Variants in BAG3 observed in about 807,000 individuals in gnomAD.
BAG3 encodes the protein BAG family molecular chaperone regulator 3.
A neutral mutation model predicts 40.5 loss-of-function variants in BAG3; 14 were observed. The ratio of observed to expected loss-of-function variants is 0.35; its 90% CI spans 0.23 to 0.54. The LOEUF (loss-of-function observed/expected upper bound fraction) is 0.54. Ranked by LOEUF, BAG3 falls within the 20% of genes least tolerant of loss-of-function variation. The pLI is 0.91. For missense variants in BAG3, 788 were observed against 758.6 expected (o/e 1.04, Z -0.46); for synonymous variants, 302 against 307.8 (o/e 0.98, Z 0.20).
intron 1 of BAG3, among the ~76,000 whole-genome samples, chr10:119,665,143 T>TTTTTTTTC (rs1564771840): frequency 2.6e-5 from 3 of 113,748 alleles, no homozygotes; most frequent in East Asian, 2.2e-4. Flanking sequence ...TATATATATA[T>TTTTTTTTC]ATTTTTTTTT....
intron 3 of BAG3, among the ~76,000 whole-genome samples, chr10:119,675,191 G>A (rs1338075045): frequency 6.6e-6 from 1 of 152,170 alleles, no homozygotes; most frequent in African/African-American, 2.4e-5. Context: ...AAATTAGCCA[G>A]GCATGATGGT....
At position 119,651,762 on chromosome 10, in the gene BAG3, G is replaced by C. The variant is rs1275104991; in HGVS notation, c.87G>C (p.Lys29Asn). 1 of 1,600,498 alleles carries C rather than the reference G, an allele frequency of 6.2e-7. No individual in the cohort carries two copies. Among genetic ancestry groups the C allele is most frequent in the African/African-American group, 1.4e-5 (1 of 73,740 alleles). The change falls in exon 1 of 4, where the codon AAG (lysine) becomes AAC (asparagine). Residue 29 changes from lysine (K) to asparagine (N), a missense_variant. By Grantham distance (94) the Lys-to-Asn change is moderately conservative (BLOSUM62 0). Transcript: ENST00000369085. ...RDPLPPGWEI[K>N]IDPQTGWPFF... ...CTTTGCCCCCCGGATGGGAGATCAA[G>C]ATCGACCCGCAGACCGGCTGGCCCT...
intron 1 of BAG3, among the ~76,000 whole-genome samples, chr10:119,660,643 C>G (rs771004360): frequency 6.6e-6 from 1 of 151,726 alleles, no homozygotes; most frequent in Non-Finnish European, 1.5e-5. Context: ...CCCGGGAGTT[C>G]GAGAGCAGCC....
In BAG3 at chr10:119,677,404, G is replaced by A. The variant is rs1299357177; in HGVS notation, c.*122G>A. 1.6e-6 allele frequency: 2 copies of A among 1,222,822 alleles called. No homozygotes were observed. The highest frequency in any genetic ancestry group is 3.0e-5 in the African/African-American group (2 of 66,600). 75.7% of individuals were successfully genotyped at this position (1,222,822 alleles called of 1,614,324 possible). On this transcript the variant is annotated 3_prime_UTR_variant, in exon 4 of 4. Transcript: ENST00000369085. ...TAGCTGCTTGGTATGCAGTAACTTG[G>A]GTGGAGGCAAAACACTAATAAAAGG...
At chr10:119,660,298 C>A (rs1846975526) in intron 1 of BAG3, among the ~76,000 whole-genome samples, 1 of 152,218 alleles carries the variant, frequency 6.6e-6, no homozygotes, top group Non-Finnish European at 1.5e-5. Context: ...GGGCGCCCTG[C>A]TCAGCCAGGA....
Position 119,676,506 on chromosome 10 carries a change from G to C in BAG3, c.952G>C (p.Glu318Gln), listed in dbSNP as rs1847236147. The change falls in exon 4 of 4, where the codon GAA becomes CAA. Residue 318 changes from glutamate to glutamine, a missense_variant. Transcript: ENST00000369085. ...AGAAACTGCACCTGTTTCCCAGCCTGAAAACAAACCAGAAAGTAAGCCAGG... is the reference window on the plus strand; with the variant it reads ...AGAAACTGCACCTGTTTCCCAGCCTCAAAACAAACCAGAAAGTAAGCCAGG... ...HRETAPVSQPENKPESKPGPV... is the reference protein window; with the variant it reads ...HRETAPVSQPQNKPESKPGPV... 2 of 1,613,746 alleles carry C rather than the reference G, an allele frequency of 1.2e-6. No homozygotes were observed. The highest frequency in any genetic ancestry group is 1.7e-6 in the Non-Finnish European group (2 of 1,179,960).
intron 1 of BAG3, among the ~76,000 whole-genome samples, chr10:119,658,277 C>T (rs1003266412): frequency 9.8e-5 from 15 of 152,366 alleles, no homozygotes; most frequent in African/African-American, 3.1e-4. Flanking sequence ...CCTTCGCTGG[C>T]CCACCCTTTC....
intron 1 of BAG3, among the ~76,000 whole-genome samples, chr10:119,666,077 C>G (rs1190430043): frequency 1.3e-5 from 2 of 152,174 alleles, no homozygotes; most frequent in Non-Finnish European, 2.9e-5. Flanking sequence ...CCCCCACATG[C>G]CTCTCATTTT....
chr10:119,673,480 C>A (rs1002139491), intron 3 of BAG3, among the ~76,000 whole-genome samples: 3 of 152,172 alleles, frequency 2.0e-5, no homozygotes, highest in African/African-American at 7.2e-5. Flanking sequence ...AGTGGAGACA[C>A]AAGGTGCAGG....
chr10:119,661,293 C>T (rs1846988464), intron 1 of BAG3, among the ~76,000 whole-genome samples: 1 of 151,814 alleles, frequency 6.6e-6, no homozygotes, highest in South Asian at 2.1e-4. Flanking sequence ...AAAAGAAACC[C>T]AATTGTTTAG....
intron 1 of BAG3, among the ~76,000 whole-genome samples, chr10:119,664,329 C>T (rs1847031140): frequency 6.6e-6 from 1 of 152,090 alleles, no homozygotes; most frequent in Non-Finnish European, 1.5e-5. Context: ...TGAGACATGC[C>T]TCAGATTTTT....
intron 1 of BAG3, among the ~76,000 whole-genome samples, chr10:119,652,848 G>A (rs1846862725): frequency 6.6e-6 from 1 of 152,188 alleles, no homozygotes; most frequent in South Asian, 2.1e-4. Context: ...TGTAAATTTG[G>A]AATGAGTGTG....
chr10:119,652,020 C>T (rs929544723), intron 1 of BAG3, among the ~76,000 whole-genome samples, 165 bp downstream of exon 1: 10 of 151,952 alleles, frequency 6.6e-5, no homozygotes, highest in Non-Finnish European at 1.5e-4. Context: ...TCCCGCTGCG[C>T]CCGGACGAGT....
rs558604851 is a variant in BAG3, at chr10:119,675,957, G to A, written c.910-507G>A. ...CCTTCCTTCTTTGAGACAGGATCTC[G>A]CTCTGTCACTCAGGCTGGAGTGCAA... On this transcript the variant is annotated intron_variant, in intron 3 of 3. Coordinates refer to ENST00000369085, the MANE Select transcript of BAG3 (RefSeq NM_004281.4). Among the ~76,000 whole-genome samples the A allele has an allele frequency of 8.7e-5, 5 of 57,262 alleles. No individual in the cohort carries two copies. In the South Asian group the frequency reaches 3.7e-3, roughly 43 times the overall value. The allele number at this position is 57,262 out of a possible 152,430, so 37.6% of individuals were successfully genotyped here. A position where few individuals can be genotyped will look rare whatever the true frequency, so the allele number is the denominator to read the frequency against.
intron 1 of BAG3, among the ~76,000 whole-genome samples, chr10:119,658,564 C>A (rs570321342): frequency 6.6e-6 from 1 of 152,326 alleles, no homozygotes; most frequent in South Asian, 2.1e-4. Context: ...AAATGGAAGC[C>A]TTTCTCTCCT....
At chr10:119,654,391 T>C (rs2134052398) in intron 1 of BAG3, among the ~76,000 whole-genome samples, 1 of 152,310 alleles carries the variant, frequency 6.6e-6, no homozygotes, top group Admixed American at 6.5e-5. Flanking sequence ...AGGACTCAGC[T>C]TCAGGATGTT....
chr10:119,675,852 TGCCCCC>T (rs2134067936), intron 3 of BAG3, among the ~76,000 whole-genome samples: 2 of 48,040 alleles, frequency 4.2e-5, no homozygotes, highest in Admixed American at 2.7e-4. Flanking sequence ...CCTTCCTTCC[TGCCCCC>T]TTCCCCCTTG....
intron 1 of BAG3, among the ~76,000 whole-genome samples, chr10:119,657,025 C>A (rs894716518): frequency 1.2e-4 from 18 of 152,046 alleles, no homozygotes; most frequent in African/African-American, 4.1e-4. Flanking sequence ...CTGCTTTATA[C>A]TCCCCAGGCA....
intron 3 of BAG3, among the ~76,000 whole-genome samples, chr10:119,673,425 G>C (rs532033322): frequency 6.6e-6 from 1 of 152,348 alleles, no homozygotes; most frequent in South Asian, 2.1e-4. Context: ...ATTGGAAGCC[G>C]TGCTGGCCTG....
Sources: gnomAD v4.1 joint callset for allele counts (sites outside exome capture counted in the v4.1 genomes callset) on GRCh38, gnomAD v4.1.1 for gene constraint, MANE v1.5 for transcripts, NCBI Gene and HGNC (gene_info 2026-07-23, HGNC 2026-07-21) for gene names.